Variants in DNAI3 observed in about 807,000 individuals in gnomAD.
DNAI3 encodes the protein WD repeat domain 63.
Under a neutral mutation model 115.5 loss-of-function variants are expected in DNAI3, and 83 were observed. The observed-to-expected ratio is 0.72, with a 90% CI of 0.60 to 0.86. The LOEUF is 0.86. Among genes scored for constraint, DNAI3 ranks in the 40% least tolerant of loss-of-function variants. The pLI is 0.00. For missense variants in DNAI3, 1,004 were observed against 1,075.8 expected, an observed-to-expected ratio of 0.93 and a Z score of 0.93; for synonymous variants, 320 against 347.0, an observed-to-expected ratio of 0.92 and a Z score of 0.86.
rs1655198252 is a variant in DNAI3 at position 85,098,616 on chromosome 1, G to T, written c.1437G>T (p.Lys479Asn). The T allele has an allele frequency of 1.2e-6, 2 of 1,613,558 alleles. No homozygotes were observed. Among genetic ancestry groups the T allele is most frequent in the Non-Finnish European group, 8.5e-7 (1 of 1,179,734 alleles). ...TCTCTTCAATAGAAAATGGACATAA[G>T]AAAGTAATTACAGATATACACTGGT... ...CAVSSIENGH[K>N]KVITDIHWLS... Residue 479 changes from lysine to asparagine, a missense_variant, in exon 13 of 23, where the codon AAG (lysine) becomes AAT (asparagine). Coordinates refer to ENST00000294664, the MANE Select transcript of DNAI3 (RefSeq NM_145172.5).
At chr1:85,079,171 G>T (rs1050162272) in intron 3 of DNAI3, among the ~76,000 whole-genome samples, 1 of 152,188 alleles carries the variant, frequency 6.6e-6, no homozygotes, top group African/African-American at 2.4e-5. Context: ...TACAAATGCA[G>T]TCTGTTTGCA....
At chr1:85,084,472 A>AT (rs1654735844) in intron 5 of DNAI3, 74 bp from the exon 6 acceptor site, 28 of 1,030,174 alleles carry the variant, frequency 2.7e-5, no homozygotes, top group East Asian at 7.3e-5. Flanking sequence ...GTTTGTTGCA[A>AT]AATATATATA....
chr1:85,114,421 T>C (rs1318576111), intron 16 of DNAI3, among the ~76,000 whole-genome samples: 1 of 152,246 alleles, frequency 6.6e-6, no homozygotes, highest in African/African-American at 2.4e-5. Context: ...TAGATAATAA[T>C]GTCATTTGCA....
At chr1:85,065,799 C>G (rs1654080285) in intron 1 of DNAI3, among the ~76,000 whole-genome samples, 2 of 152,204 alleles carry the variant, frequency 1.3e-5, no homozygotes, top group African/African-American at 4.8e-5. Flanking sequence ...GTTTAAATCA[C>G]TGTATTATGA....
At chr1:85,129,100 C>T (rs989826608) in intron 21 of DNAI3, among the ~76,000 whole-genome samples, 8 of 152,146 alleles carry the variant, frequency 5.3e-5, no homozygotes, top group Admixed American at 2.6e-4. Context: ...GTGTGGGGTG[C>T]TGATTTCAGT....
chr1:85,131,522 A>G (rs1281603273), intron 22 of DNAI3, among the ~76,000 whole-genome samples: 2 of 152,040 alleles, frequency 1.3e-5, no homozygotes, highest in African/African-American at 2.4e-5. Flanking sequence ...AATTAACATT[A>G]TCACTCATTG....
At position 85,095,972 on chromosome 1, in the gene DNAI3, C is replaced by G. The variant is rs1298111857; in HGVS notation, c.1215C>G (p.Phe405Leu). The G allele has an allele frequency of 1.9e-6, 3 of 1,613,840 alleles. No individual in the cohort carries two copies. The highest frequency in any genetic ancestry group is 2.5e-6 in the Non-Finnish European group (3 of 1,179,898). ...ESPDDIFCFK[F>L]CPSDPNIIAG... is the part of the protein sequence containing the mutation. ...CAGATGACATCTTCTGCTTCAAGTT[C>G]TGTCCGAGTGATCCTAATATCATTG... Residue 405 changes from phenylalanine to leucine, a missense_variant, in exon 11 of 23, where the codon TTC becomes TTG. This residue lies in a region of DNAI3 where 550 missense variants were observed against 568.1 expected (regional missense o/e 0.97). Transcript: ENST00000294664.
intron 5 of DNAI3, among the ~76,000 whole-genome samples, chr1:85,083,888 A>G (rs1053877546): frequency 1.3e-4 from 19 of 151,864 alleles, no homozygotes; most frequent in Admixed American, 7.2e-4. Flanking sequence ...ACAATAATGG[A>G]TCTTATAGTC....
intron 7 of DNAI3, among the ~76,000 whole-genome samples, chr1:85,088,630 G>A (rs1374881776): frequency 6.6e-6 from 1 of 152,128 alleles, no homozygotes. Flanking sequence ...TGCTCTCTGA[G>A]GTAGGCACTA....
chr1:85,096,283 A>T (rs964328196), intron 11 of DNAI3, among the ~76,000 whole-genome samples: 1 of 152,046 alleles, frequency 6.6e-6, no homozygotes, highest in Non-Finnish European at 1.5e-5. Context: ...ACTGAACCAC[A>T]TATTGTATAA....
rs1213282391 is a variant in DNAI3 at position 85,094,439 on chromosome 1, G to C, written c.1057G>C (p.Ala353Pro). ...ACATGTGTTTCCATCAGGGCTAATAGCTGTGTCGGTAGCCGTGCGACTTTC... is the reference window on the plus strand; with the variant it reads ...ACATGTGTTTCCATCAGGGCTAATACCTGTGTCGGTAGCCGTGCGACTTTC... ...SWHPTIYGLI[A>P]VSVAVRLSFE... The change falls in exon 10 of 23, where the codon GCT (alanine) becomes CCT (proline). Residue 353 changes from alanine to proline, a missense_variant. Ala to Pro is a conservative substitution (Grantham distance 27). Coordinates refer to ENST00000294664, the MANE Select transcript of DNAI3 (RefSeq NM_145172.5). 1 of 1,614,152 alleles carries C rather than the reference G, an allele frequency of 6.2e-7. No homozygotes were observed. Among genetic ancestry groups the C allele is most frequent in the Non-Finnish European group, 8.5e-7 (1 of 1,180,010 alleles).
rs1557729704 is a variant in DNAI3 at position 85,130,113 on chromosome 1, G to GT, written c.2532+2dup. Reference sequence around the variant, plus strand: ...ACTAGAAATGGCAAAGAAAAAAGTTGTAAGTTAAATTTCAGAAATGAAAGA... The same window carrying GT: ...ACTAGAAATGGCAAAGAAAAAAGTTGTTAAGTTAAATTTCAGAAATGAAAGA... On this transcript the variant is annotated splice_donor_variant, in intron 22 of 22. Coordinates refer to ENST00000294664, the MANE Select transcript of DNAI3 (RefSeq NM_145172.5). LOFTEE classifies it high-confidence loss of function. 1 of 1,613,052 alleles carries GT rather than the reference G, an allele frequency of 6.2e-7. No individual in the cohort carries two copies. The highest frequency in any genetic ancestry group is 1.3e-5 in the African/African-American group (1 of 74,860).
intron 16 of DNAI3, among the ~76,000 whole-genome samples, chr1:85,115,722 G>A (rs11161531): frequency 0.074 from 11,301 of 152,068 alleles, 572 homozygotes; most frequent in East Asian, 0.17. Flanking sequence ...GGGCAGGGGG[G>A]CAGGCATTAG....
intron 1 of DNAI3, among the ~76,000 whole-genome samples, chr1:85,064,269 T>C (rs1447526611): frequency 6.6e-6 from 1 of 152,064 alleles, no homozygotes; most frequent in African/African-American, 2.4e-5. Flanking sequence ...AGAGAAGGGC[T>C]TGGAATTCAG....
intron 1 of DNAI3, among the ~76,000 whole-genome samples, chr1:85,064,335 C>A (rs1470667286): frequency 6.6e-6 from 1 of 151,996 alleles, no homozygotes; most frequent in Admixed American, 6.6e-5. Flanking sequence ...AAGTGAATAT[C>A]CAATCTTGGA....
chr1:85,120,932 A>T (rs933243387), intron 17 of DNAI3, among the ~76,000 whole-genome samples: 5 of 152,090 alleles, frequency 3.3e-5, no homozygotes, highest in Non-Finnish European at 7.4e-5. Context: ...ATGTGCTCTT[A>T]TCTCCCCTTC....
At position 85,072,042 on chromosome 1, in the gene DNAI3, G is replaced by A. The variant is rs760243656; in HGVS notation, c.64+37G>A. The stretch of plus-strand genomic sequence containing the variant: ...TCTTCATTGAATGGGATTTTTTGTG[G>A]AGTATTTGTGTATATATTAGCAGCA... On this transcript the variant is annotated intron_variant, in intron 2 of 22. Transcript: ENST00000294664. 1.9e-6 allele frequency: 3 copies of A among 1,573,756 alleles called. No homozygotes were observed. The South Asian group carries it at 3.5e-5, about 18-fold the overall frequency.
chr1:85,100,700 A>G (rs1655271804), intron 13 of DNAI3, among the ~76,000 whole-genome samples: 1 of 152,196 alleles, frequency 6.6e-6, no homozygotes, highest in African/African-American at 2.4e-5. Flanking sequence ...ACTATTCACA[A>G]TAGCAAAGAC....
intron 3 of DNAI3, among the ~76,000 whole-genome samples, chr1:85,077,139 G>A (rs913878552): frequency 1.3e-5 from 2 of 152,158 alleles, no homozygotes; most frequent in African/African-American, 4.8e-5. Context: ...TGAGAATAGA[G>A]TCCAAAAATA....
Sources: allele counts gnomAD v4.1 joint callset (sites outside exome capture counted in the v4.1 genomes callset), GRCh38; gene constraint gnomAD v4.1.1; regional missense constraint gnomAD v4.1.1; transcripts MANE v1.5; gene names NCBI Gene and HGNC (gene_info 2026-07-23, HGNC 2026-07-21).